ATP8B1: variants seen among roughly 807,000 people sequenced by gnomAD.
ATP8B1 encodes ATPase phospholipid transporting 8B1.
A neutral mutation model predicts 149.9 loss-of-function variants in ATP8B1; 80 were observed. The observed-to-expected ratio is 0.53, with a 90% CI of 0.45 to 0.64. The LOEUF is 0.64. Ranked by LOEUF, ATP8B1 falls within the 30% of genes least tolerant of loss-of-function variation. The pLI, the probability that ATP8B1 is intolerant of heterozygous loss-of-function variation, is 0.00. For synonymous variants in ATP8B1, 536 were observed against 562.8 expected, an observed-to-expected ratio of 0.95 and a Z score of 0.67; for missense variants, 1,247 against 1,552.6, an observed-to-expected ratio of 0.80 and a Z score of 3.31.
chr18:57,774,400 C>A (rs1215941991), intron 1 of ATP8B1, among the ~76,000 whole-genome samples: 1 of 152,200 alleles, frequency 6.6e-6, no homozygotes, highest in African/African-American at 2.4e-5. Context: ...GAGTCTGAGA[C>A]CAGCCTGGCC....
intron 2 of ATP8B1, among the ~76,000 whole-genome samples, chr18:57,719,289 A>C (rs2079613693): frequency 6.6e-6 from 1 of 152,242 alleles, no homozygotes; most frequent in South Asian, 2.1e-4. Context: ...GCTCCGGTCT[A>C]CAGCTCCCAG....
At chr18:57,720,346 G>GAAAAA (rs1378640053) in intron 2 of ATP8B1, among the ~76,000 whole-genome samples, 1 of 32,044 alleles carries the variant, frequency 3.1e-5, no homozygotes, top group Non-Finnish European at 6.1e-5. Context: ...TGAAAACTTT[G>GAAAAA]AAAAAAATTT....
intron 2 of ATP8B1, among the ~76,000 whole-genome samples, chr18:57,728,723 T>TG (rs2079732030): frequency 1.4e-5 from 2 of 140,538 alleles, no homozygotes; most frequent in Non-Finnish European, 3.0e-5. Flanking sequence ...GACTGAGCAT[T>TG]TTTTTTTTTT....
In ATP8B1 at chr18:57,684,158, C is replaced by T. The variant is rs1185000606; in HGVS notation, c.1508G>A (p.Gly503Glu). The change falls in exon 15 of 28, where the codon GGG becomes GAG. Residue 503 changes from glycine (G) to glutamate (E), a missense_variant. This residue lies in a region of ATP8B1 where 853 missense variants were observed against 1,035.7 expected (regional missense o/e 0.82). Coordinates refer to ENST00000648908, the MANE Select transcript of ATP8B1 (RefSeq NM_001374385.1). Reference protein sequence around the residue: ...VDFSWNTYADGKLAFYDHYLI... With the variant: ...VDFSWNTYADEKLAFYDHYLI... ...ATAGTGGTCATAAAATGCAAGCTTC[C>T]CATCAGCATATGTATTCCAGCTAAA... 6.2e-7 allele frequency: 1 copy of T among 1,613,964 alleles called. No homozygotes were observed. Among genetic ancestry groups the T allele is most frequent in the East Asian group, 2.2e-5 (1 of 44,878 alleles).
chr18:57,754,448 AT>A (rs200931028), intron 1 of ATP8B1, among the ~76,000 whole-genome samples: 1,129 of 15,082 alleles, frequency 0.075, 27 homozygotes, highest in South Asian at 0.16. Context: ...ACAAAAAAAT[AT>A]ATATATATAT....
intron 1 of ATP8B1, among the ~76,000 whole-genome samples, chr18:57,794,820 G>GAAAGAA (rs1555657769): frequency 2.0e-5 from 3 of 151,450 alleles, no homozygotes; most frequent in African/African-American, 7.3e-5. Flanking sequence ...AAGAAAGAAA[G>GAAAGAA]AAAGAATGGC....
intron 4 of ATP8B1, among the ~76,000 whole-genome samples, chr18:57,701,561 A>G (rs1045132252): frequency 3.9e-5 from 6 of 152,238 alleles, no homozygotes; most frequent in African/African-American, 1.2e-4. Flanking sequence ...TCTCATTGCA[A>G]ACTTAACTGG....
intron 1 of ATP8B1, among the ~76,000 whole-genome samples, chr18:57,794,097 T>C (rs2080488171): frequency 6.6e-6 from 1 of 152,132 alleles, no homozygotes; most frequent in African/African-American, 2.4e-5. Context: ...GGAAAGTGGG[T>C]GGACACGTAG....
At chr18:57,745,732 C>T (rs1392285699) in intron 1 of ATP8B1, among the ~76,000 whole-genome samples, 1 of 151,362 alleles carries the variant, frequency 6.6e-6, no homozygotes, top group Non-Finnish European at 1.5e-5. Context: ...TCATGACTCA[C>T]TGCAGCCTCA....
intron 2 of ATP8B1, 98 bp from the exon 3 acceptor site, chr18:57,706,685 C>CTTT: frequency 1.1e-6 from 1 of 945,122 alleles, no homozygotes; most frequent in South Asian, 1.4e-5. Flanking sequence ...AAGTCCTAAA[C>CTTT]CTCCATCCCT....
chr18:57,752,838 A>G (rs1056245800), intron 1 of ATP8B1, among the ~76,000 whole-genome samples: 2 of 152,212 alleles, frequency 1.3e-5, no homozygotes, highest in East Asian at 1.9e-4. Flanking sequence ...TGCCCAGAAC[A>G]GCATGTAACA....
rs138485655 is a variant in ATP8B1, at chr18:57,747,589, C to G, written c.-25-15757G>C. 3.0e-3 allele frequency among the ~76,000 whole-genome samples: 456 copies of G among 152,252 alleles called. 3 individuals are homozygous for G. The highest frequency in any genetic ancestry group is 4.7e-3 in the Non-Finnish European group (317 of 68,014). On this transcript the variant is annotated intron_variant, in intron 1 of 27. Coordinates refer to ENST00000648908, the MANE Select transcript of ATP8B1 (RefSeq NM_001374385.1). ...ACATGGCTCCTTTTCATTTGTAAAT[C>G]TGTCTCAAATTTCCAAATATTTATA...
At chr18:57,665,231 G>A (rs2048952) in intron 20 of ATP8B1, among the ~76,000 whole-genome samples, 49,478 of 151,510 alleles carry the variant, frequency 0.33, 8,686 homozygotes, top group Non-Finnish European at 0.39. Context: ...TTGAAAGGCC[G>A]TAAGAGAAAA....
chr18:57,663,327 C>T (rs1243495536), intron 20 of ATP8B1, among the ~76,000 whole-genome samples: 1 of 152,176 alleles, frequency 6.6e-6, no homozygotes. Flanking sequence ...TTTATCCATT[C>T]ACTCACTGAT....
intron 22 of ATP8B1, among the ~76,000 whole-genome samples, chr18:57,656,474 C>T (rs1910004556): frequency 6.6e-6 from 1 of 151,222 alleles, no homozygotes; most frequent in African/African-American, 2.4e-5. Context: ...CAACCTCTGC[C>T]TCCTGGGTTC....
intron 11 of ATP8B1, 113 bp downstream of exon 11, chr18:57,694,469 A>C (rs1347597926): frequency 2.1e-5 from 16 of 759,228 alleles, no homozygotes; most frequent in Non-Finnish European, 4.4e-6. Context: ...GTGCCCAATA[A>C]TTTTTCTATT....
intron 1 of ATP8B1, among the ~76,000 whole-genome samples, chr18:57,766,313 T>C (rs2080211805): frequency 6.6e-6 from 1 of 152,120 alleles, no homozygotes; most frequent in South Asian, 2.1e-4. Flanking sequence ...CGAGCCCAGA[T>C]AACAATAAAT....
rs1203223157 is a variant in ATP8B1 at position 57,802,696 on chromosome 18, A to C, written c.-26+302T>G. 6.6e-6 allele frequency among the ~76,000 whole-genome samples: 1 copy of C among 152,268 alleles called. No individual in the cohort carries two copies. Among genetic ancestry groups the C allele is most frequent in the Non-Finnish European group, 1.5e-5 (1 of 68,018 alleles). ...CCCCCGGACATGTGTGTCGCTACCGATCGAAGAACCCAAACACCCCGAGAT... is the reference window on the plus strand; with the variant it reads ...CCCCCGGACATGTGTGTCGCTACCGCTCGAAGAACCCAAACACCCCGAGAT... On this transcript the variant is annotated intron_variant, in intron 1 of 27. Coordinates refer to ENST00000648908, the MANE Select transcript of ATP8B1 (RefSeq NM_001374385.1). This position sits in a 1 kb window ranked among gnomAD's most constrained non-coding sequence, Gnocchi z 4.9.
chr18:57,726,316 C>T (rs181563854), intron 2 of ATP8B1, among the ~76,000 whole-genome samples: 5 of 152,334 alleles, frequency 3.3e-5, no homozygotes, highest in Admixed American at 6.5e-5. Flanking sequence ...TAATACTTCA[C>T]AAGCACAGGC....
Sources: allele counts gnomAD v4.1 joint callset (sites outside exome capture counted in the v4.1 genomes callset), GRCh38; gene constraint gnomAD v4.1.1; regional missense constraint gnomAD v4.1.1; non-coding constraint Gnocchi (gnomAD v3.1); transcripts MANE v1.5; gene names NCBI Gene and HGNC (gene_info 2026-07-23, HGNC 2026-07-21).